PHACTR2: variants seen among roughly 807,000 people sequenced by gnomAD.
The protein encoded by PHACTR2 is chromosome 6 open reading frame 56.
Under a neutral mutation model 76.0 loss-of-function variants are expected in PHACTR2, and 30 were observed. The observed-to-expected ratio is 0.39, with a 90% CI of 0.30 to 0.54. The LOEUF is 0.54. Among genes scored for constraint, PHACTR2 ranks in the 20% least tolerant of loss-of-function variants. The pLI, the probability that PHACTR2 is intolerant of heterozygous loss-of-function variation, is 0.61. For missense variants in PHACTR2, 696 were observed against 781.1 expected (o/e 0.89, Z 1.30); for synonymous variants, 292 against 292.5 (o/e 1.00, Z 0.02).
rs1257195161 is a variant in PHACTR2, at chr6:143,768,501, G to A, written c.1232+2703G>A. Among the ~76,000 whole-genome samples the A allele has an allele frequency of 2.0e-5, 3 of 152,164 alleles. No homozygotes were observed. In the East Asian group the frequency reaches 5.8e-4, roughly 29 times the overall value. On this transcript the variant is annotated intron_variant, in intron 6 of 12. Coordinates refer to ENST00000440869, the MANE Select transcript of PHACTR2 (RefSeq NM_001100164.2). Reference sequence around the variant, plus strand: ...ATTGTTCAATATACTAAAGAATAAGGTGCAACATGTAAAGTGTTTCCTGAT... The same window carrying A: ...ATTGTTCAATATACTAAAGAATAAGATGCAACATGTAAAGTGTTTCCTGAT...
intron 1 of PHACTR2, among the ~76,000 whole-genome samples, chr6:143,563,842 A>T (rs2128430162): frequency 6.6e-6 from 1 of 151,426 alleles, no homozygotes; most frequent in South Asian, 2.1e-4. Flanking sequence ...CAAAAAAAAA[A>T]AAATACAAAA....
chr6:143,730,999 C>T lies in PHACTR2; in HGVS notation c.215-17986C>T, dbSNP rs1057326617. On this transcript the variant is annotated intron_variant, in intron 2 of 12. Coordinates refer to ENST00000440869, the MANE Select transcript of PHACTR2 (RefSeq NM_001100164.2). The surrounding 1 kb of genome is among the most constrained non-coding windows in gnomAD (Gnocchi z 4.8). ...TCCTGACAACATGATCCGCCTGCCT[C>T]AGCCTTCAAAAGTGCTGAGATTACA... Among the ~76,000 whole-genome samples the T allele has an allele frequency of 2.0e-5, 3 of 152,140 alleles. No homozygotes were observed. Among genetic ancestry groups the T allele is most frequent in the Non-Finnish European group, 2.9e-5 (2 of 68,042 alleles).
At chr6:143,575,621 A>G (rs9484770) in intron 1 of PHACTR2, among the ~76,000 whole-genome samples, 93,324 of 152,092 alleles carry the variant, frequency 0.61, 28,974 homozygotes, top group Middle Eastern at 0.72. Context: ...AATAGCTTCC[A>G]TTGAAAAGAC....
chr6:143,819,990 G>C lies in PHACTR2; in HGVS notation c.1923-3684G>C, dbSNP rs1407398257. Among the ~76,000 whole-genome samples, 1 of 152,176 alleles carries C rather than the reference G, an allele frequency of 6.6e-6. No homozygotes were observed. The highest frequency in any genetic ancestry group is 6.5e-5 in the Admixed American group (1 of 15,274). On this transcript the variant is annotated intron_variant, in intron 12 of 12. Transcript: ENST00000440869. This position sits in a 1 kb window ranked among gnomAD's most constrained non-coding sequence, Gnocchi z 5.0. ...AAAGCCTCCAATCACGGCAGAAAGC[G>C]AAGGGGGAGCAGGCACATCACATGG...
In PHACTR2 at chr6:143,583,390, A is replaced by G. The variant is rs777303964; in HGVS notation, c.217+46183A>G. ...ACAATATGATCCCTTTCTCACTTTTATGATTGGTAAAAAATTGGTTTATCC... is the reference window on the plus strand; with the variant it reads ...ACAATATGATCCCTTTCTCACTTTTGTGATTGGTAAAAAATTGGTTTATCC... On this transcript the variant is annotated intron_variant, in intron 1 of 11. Transcript: ENST00000367584. This position sits in a 1 kb window ranked among gnomAD's most constrained non-coding sequence, Gnocchi z 4.0. Among the ~76,000 whole-genome samples, 16 of 152,254 alleles carry G rather than the reference A, an allele frequency of 1.1e-4. No individual in the cohort carries two copies. Among genetic ancestry groups the G allele is most frequent in the Non-Finnish European group, 2.2e-4 (15 of 68,036 alleles).
Position 143,591,165 on chromosome 6 carries a change from C to T in PHACTR2, c.217+53958C>T, listed in dbSNP as rs1775686665. Among the ~76,000 whole-genome samples, 1 of 152,130 alleles carries T rather than the reference C, an allele frequency of 6.6e-6. No homozygotes were observed. Reference sequence around the variant, plus strand: ...TTGCCCCATCAGCCAAGACATTCCACGTTCATTTGCTTGGGAATACGTGAC... The same window carrying T: ...TTGCCCCATCAGCCAAGACATTCCATGTTCATTTGCTTGGGAATACGTGAC... On this transcript the variant is annotated intron_variant, in intron 1 of 11. Transcript: ENST00000367584. This position sits in a 1 kb window ranked among gnomAD's most constrained non-coding sequence, Gnocchi z 6.4.
At position 143,560,366 on chromosome 6, in the gene PHACTR2, C is replaced by A. The variant is rs375740899; in HGVS notation, c.217+23159C>A. On this transcript the variant is annotated intron_variant, in intron 1 of 11. Transcript: ENST00000367584. ...CTGAACCAAGTATTTGATTCTGTATCTTTAAATTAGTCTAATTCATCCATA... is the reference window on the plus strand; with the variant it reads ...CTGAACCAAGTATTTGATTCTGTATATTTAAATTAGTCTAATTCATCCATA... Among the ~76,000 whole-genome samples the A allele has an allele frequency of 4.9e-4, 75 of 152,268 alleles. 1 individual carries two copies. In the East Asian group the frequency reaches 5.2e-3, roughly 11 times the overall value.
At position 143,695,821 on chromosome 6, in the gene PHACTR2, G is replaced by T. The variant is rs111787721; in HGVS notation, c.47-16195G>T. The stretch of plus-strand genomic sequence containing the variant: ...CTTTAGATTGTGACATTAGGCACAT[G>T]TGGAAACAACAGTAAAATGCAACTT... On this transcript the variant is annotated intron_variant, in intron 1 of 12. Transcript: ENST00000440869. This position sits in a 1 kb window ranked among gnomAD's most constrained non-coding sequence, Gnocchi z 4.4. 0.025 allele frequency among the ~76,000 whole-genome samples: 3,826 copies of T among 152,284 alleles called. 160 individuals carry two copies. The highest frequency in any genetic ancestry group is 0.081 in the African/African-American group (3,370 of 41,534).
chr6:143,602,441 C>T lies in PHACTR2; in HGVS notation c.217+65234C>T, dbSNP rs1374695998. 2.6e-5 allele frequency among the ~76,000 whole-genome samples: 4 copies of T among 152,172 alleles called. No homozygotes were observed. The highest frequency in any genetic ancestry group is 5.9e-5 in the Non-Finnish European group (4 of 68,026). ...CTTGAGCCAGGACTCTCCATTCAAG[C>T]AGAGCCTGGCTCTGATTGCTCCTTT... On this transcript the variant is annotated intron_variant, in intron 1 of 11. Coordinates refer to the PHACTR2 transcript ENST00000367584. This position sits in a 1 kb window ranked among gnomAD's most constrained non-coding sequence, Gnocchi z 6.1.
At chr6:143,635,304 G>A (rs975756176) in intron 1 of PHACTR2, among the ~76,000 whole-genome samples, 6 of 132,854 alleles carry the variant, frequency 4.5e-5, no homozygotes, top group African/African-American at 1.5e-4. Flanking sequence ...TCATATTGAC[G>A]GAGCATTTAG....
In PHACTR2 at chr6:143,826,333, G is replaced by A. The variant is rs993133309; in HGVS notation, c.*2644G>A. On this transcript the variant is annotated 3_prime_UTR_variant, in exon 13 of 13. Transcript: ENST00000440869. ...ATAGGCACCTCTGTCCACCACCAGC[G>A]TTTCAGCAATCCAACCAGTAAGCAT... 2 of 152,240 alleles carry A rather than the reference G, an allele frequency of 1.3e-5. No individual in the cohort carries two copies. Among genetic ancestry groups the A allele is most frequent in the East Asian group, 1.9e-4 (1 of 5,194 alleles). 9.4% of individuals were successfully genotyped at this position (152,240 alleles called of 1,614,324 possible).
rs1250412167 is a variant in PHACTR2, at chr6:143,619,803, G to A, written c.13+11481G>A. Among the ~76,000 whole-genome samples, 1 of 152,164 alleles carries A rather than the reference G, an allele frequency of 6.6e-6. No homozygotes were observed. The highest frequency in any genetic ancestry group is 2.4e-5 in the African/African-American group (1 of 41,440). Reference sequence around the variant, plus strand: ...TGACTTGGGGCATTTTTAATAAGGGGATAAAAGGAAATATAGCCAGTCCCA... The same window carrying A: ...TGACTTGGGGCATTTTTAATAAGGGAATAAAAGGAAATATAGCCAGTCCCA... On this transcript the variant is annotated intron_variant, in intron 1 of 11. Coordinates refer to the PHACTR2 transcript ENST00000305766. The surrounding 1 kb of genome is among the most constrained non-coding windows in gnomAD (Gnocchi z 4.5).
rs954584377 is a variant in PHACTR2, at chr6:143,597,098, T to C, written c.217+59891T>C. On this transcript the variant is annotated intron_variant, in intron 1 of 11. Coordinates refer to the PHACTR2 transcript ENST00000367584. The surrounding 1 kb of genome is among the most constrained non-coding windows in gnomAD (Gnocchi z 5.7). The stretch of plus-strand genomic sequence containing the variant: ...ACTCTGGATCTTTCTACACTTGGCA[T>C]GTATTTTCCCCTCTGTGTTCTCACG... 1.3e-5 allele frequency among the ~76,000 whole-genome samples: 2 copies of C among 152,254 alleles called. No individual in the cohort carries two copies. The highest frequency in any genetic ancestry group is 2.9e-5 in the Non-Finnish European group (2 of 68,034).
intron 1 of PHACTR2, among the ~76,000 whole-genome samples, chr6:143,569,896 T>C (rs371653902): frequency 1.3e-5 from 2 of 152,198 alleles, no homozygotes; most frequent in South Asian, 4.1e-4. Flanking sequence ...AAGTGCTGCG[T>C]GTGATAAGTT....
intron 2 of PHACTR2, among the ~76,000 whole-genome samples, chr6:143,736,120 C>T (rs943027412): frequency 1.3e-5 from 2 of 152,168 alleles, no homozygotes; most frequent in Non-Finnish European, 2.9e-5. Context: ...CCTCTAACTC[C>T]TGGGTACAAG....
chr6:143,620,325 C>T lies in PHACTR2; in HGVS notation c.13+12003C>T, dbSNP rs373682969. On this transcript the variant is annotated intron_variant, in intron 1 of 11. Transcript: ENST00000305766. ...CTCAGGGAAGGTTTTCATGGAACCT[C>T]GAAACTACAAAAACTCCCAAAGTAC... 7.2e-4 allele frequency among the ~76,000 whole-genome samples: 110 copies of T among 151,938 alleles called. 2 individuals carry two copies. In the South Asian group the frequency reaches 0.015, roughly 21 times the overall value.
chr6:143,812,023 CAA>C, intron 12 of PHACTR2, among the ~76,000 whole-genome samples: 1 of 152,230 alleles, frequency 6.6e-6, no homozygotes, highest in East Asian at 1.9e-4. Context: ...CTCCTTATAC[CAA>C]GTAAGGCTTC....
intron 2 of PHACTR2, among the ~76,000 whole-genome samples, chr6:143,715,378 G>A (rs1186123476): frequency 6.6e-6 from 1 of 152,086 alleles, no homozygotes; most frequent in Non-Finnish European, 1.5e-5. Context: ...CCCTTCTGTT[G>A]CTTTGAATAT....
At chr6:143,699,630 A>T (rs1056578461) in intron 1 of PHACTR2, among the ~76,000 whole-genome samples, 1 of 152,136 alleles carries the variant, frequency 6.6e-6, no homozygotes, top group African/African-American at 2.4e-5. Flanking sequence ...CCTGAAGTTC[A>T]TGGTGCCTGA....
Sources: gnomAD v4.1 joint callset for allele counts (sites outside exome capture counted in the v4.1 genomes callset) on GRCh38, gnomAD v4.1.1 for gene constraint, Gnocchi (gnomAD v3.1) non-coding constraint, MANE v1.5 for transcripts, NCBI Gene and HGNC (gene_info 2026-07-23, HGNC 2026-07-21) for gene names.